Variants in HAUS7 observed in about 807,000 individuals in gnomAD.
HAUS7 encodes the protein HAUS augmin like complex subunit 7, also known as HAUS augmin-like complex subunit 7.
Under a neutral mutation model 28.4 loss-of-function variants are expected in HAUS7, and 3 were observed. The ratio of observed to expected loss-of-function variants is 0.11; its 90% CI spans 0.05 to 0.27. The LOEUF (loss-of-function observed/expected upper bound fraction) is 0.27. Ranked by LOEUF, HAUS7 falls within the 10% of genes least tolerant of loss-of-function variation. The pLI is 1.00. For missense variants in HAUS7, 284 were observed against 297.3 expected (o/e 0.96, Z 0.33); for synonymous variants, 165 against 132.1 (o/e 1.25, Z -1.71).
chrX:153,461,068 C>T (rs1556983274), intron 4 of HAUS7, among the ~76,000 whole-genome samples: 1 of 111,817 alleles, frequency 8.9e-6, no homozygotes, highest in African/African-American at 3.3e-5. Context: ...AAGAGCCATG[C>T]AAAGGCTGCA....
At chrX:153,464,736 C>T (rs2089435182) in intron 3 of HAUS7, among the ~76,000 whole-genome samples, 1 of 112,320 alleles carries the variant, frequency 8.9e-6, no homozygotes, top group South Asian at 3.7e-4. Context: ...CACAGGGAGA[C>T]GGAACCACTG....
intron 1 of HAUS7, chrX:153,481,109 G>A (rs2089596972): frequency 1.6e-6 from 1 of 625,614 alleles, no homozygotes; most frequent in Non-Finnish European, 1.9e-6. Context: ...CCCCGTTCCC[G>A]GTGTTTCCAA....
intron 4 of HAUS7, among the ~76,000 whole-genome samples, chrX:153,460,641 G>A (rs1045431485): frequency 1.8e-5 from 2 of 111,245 alleles, no homozygotes; most frequent in South Asian, 3.8e-4. Flanking sequence ...CAGATTTTAC[G>A]TAAAGTGCAC....
intron 9 of HAUS7, among the ~76,000 whole-genome samples, chrX:153,450,833 C>T (rs1333293761): frequency 8.9e-6 from 1 of 112,437 alleles, no homozygotes; most frequent in Admixed American, 9.4e-5. Flanking sequence ...CACAGAAACA[C>T]GGCCTTCCAC....
At chrX:153,473,802 C>T (rs1320731884), upstream of HAUS7, among the ~76,000 whole-genome samples, 2 of 111,628 alleles carry the variant, frequency 1.8e-5, no homozygotes, top group Non-Finnish European at 3.8e-5. Context: ...CCGTCCTGTC[C>T]TCCTCTCCCT....
In HAUS7 at chrX:153,470,392, C is replaced by T. The variant is rs1602944136; in HGVS notation, c.108+58G>A. The T allele has an allele frequency of 4.3e-6, 5 of 1,158,216 alleles. No individual in the cohort carries two copies. In the East Asian group the frequency reaches 1.5e-4, roughly 36 times the overall value. Reference sequence around the variant, plus strand: ...ACTTCCGCAGCAAGCCCTCCCGGGCCTCGGGCGGGGCCCTCCCCGGTCCCC... The same window carrying T: ...ACTTCCGCAGCAAGCCCTCCCGGGCTTCGGGCGGGGCCCTCCCCGGTCCCC... On this transcript the variant is annotated intron_variant, in intron 1 of 9. Coordinates refer to ENST00000370211, the MANE Select transcript of HAUS7 (RefSeq NM_001385482.1).
intron 9 of HAUS7, 131 bp downstream of exon 9, chrX:153,454,263 C>CAA (rs2089273279): frequency 2.2e-6 from 1 of 446,672 alleles, no homozygotes; most frequent in East Asian, 3.9e-5. Context: ...TGAAGGAAAA[C>CAA]ATGCATTAGA....
chrX:153,479,304 G>A (rs1198988817), intron 1 of HAUS7: 4 of 749,331 alleles, frequency 5.3e-6, no homozygotes, highest in African/African-American at 2.3e-5. Context: ...TGTGGGCGGG[G>A]AGCTGCTCAG....
chrX:153,490,077 C>T (rs1364267672), intron 1 of HAUS7, among the ~76,000 whole-genome samples: 4 of 112,779 alleles, frequency 3.5e-5, no homozygotes, highest in African/African-American at 1.3e-4. Context: ...CCTTCCCACT[C>T]CCACCAGAGC....
chrX:153,454,351 G>A (rs200356507), intron 9 of HAUS7, 43 bp downstream of exon 9: 136 of 751,588 alleles, frequency 1.8e-4, no homozygotes, highest in Middle Eastern at 3.0e-4. Context: ...AAGCCTGTGC[G>A]TGGGGCAGCC....
At chrX:153,481,408 C>T (rs1007166216) in intron 1 of HAUS7, 17 of 753,450 alleles carry the variant, frequency 2.3e-5, no homozygotes, top group African/African-American at 4.6e-5. Flanking sequence ...ACAGAAGGAC[C>T]GCAGCCGAGG....
rs1349007678 is a variant in HAUS7 at position 153,480,788 on chromosome X, C to A, written c.-588-9643G>T. 1.1e-5 allele frequency: 8 copies of A among 753,811 alleles called. No individual in the cohort carries two copies. The African/African-American group carries it at 1.6e-4, about 15-fold the overall frequency. 62.1% of individuals were successfully genotyped at this position (753,811 alleles called of 1,213,427 possible). A position where few individuals can be genotyped will look rare whatever the true frequency, so the allele number is the denominator to read the frequency against. ...TGACCTTGGAGCAGGAGCAGGGTCA[C>A]AACAAGGGCCTGGTCGCTGAGTGGG... On this transcript the variant is annotated intron_variant, in intron 1 of 5. Transcript: ENST00000370210.
chrX:153,474,702 G>GCA (rs2089550395), upstream of HAUS7, among the ~76,000 whole-genome samples: 1 of 93,208 alleles, frequency 1.1e-5, no homozygotes, highest in Admixed American at 1.0e-4. Flanking sequence ...CGCAACGGGA[G>GCA]AGGCGGGGGC....
intron 2 of HAUS7, 128 bp from the exon 3 acceptor site, chrX:153,465,183 T>C (rs2089440288): frequency 2.3e-6 from 1 of 426,169 alleles, no homozygotes; most frequent in African/African-American, 2.5e-5. Flanking sequence ...CACTTTAAAG[T>C]GGTTACTTCT....
chrX:153,483,518 C>G, intron 1 of HAUS7: 1 of 732,541 alleles, frequency 1.4e-6, no homozygotes, highest in Non-Finnish European at 1.6e-6. Context: ...AGAGCAGCCC[C>G]GAGAGGCAGG....
chrX:153,491,458 G>A (rs2089670688), intron 1 of HAUS7, among the ~76,000 whole-genome samples: 1 of 112,781 alleles, frequency 8.9e-6, no homozygotes, highest in Admixed American at 9.3e-5. Context: ...CAAGGAGATG[G>A]CAGCTGGCTT....
chrX:153,465,458 G>A (rs2089444721), intron 2 of HAUS7, among the ~76,000 whole-genome samples: 1 of 111,923 alleles, frequency 8.9e-6, no homozygotes, highest in Non-Finnish European at 1.9e-5. Context: ...GGCCTCGCCT[G>A]GGTCGGCATC....
Position 153,470,541 on chromosome X carries a change from G to C in HAUS7, c.17C>G (p.Ala6Gly), listed in dbSNP as rs781933687. 5.9e-6 allele frequency: 7 copies of C among 1,192,507 alleles called. No individual in the cohort carries two copies. In the South Asian group the frequency reaches 1.1e-4, roughly 19 times the overall value. The change falls in exon 1 of 10, where the codon GCT becomes GGT. Residue 6 changes from alanine to glycine, a missense_variant. Coordinates refer to ENST00000370211, the MANE Select transcript of HAUS7 (RefSeq NM_001385482.1). ...GTCGTCGCCGCCACGGCCGCAGCCA[G>C]CGTCCTGCCCCGCCATGTTTCGCGC... Reference protein sequence around the residue: MAGQDAGCGRGGDDYS... With the variant: MAGQDGGCGRGGDDYS...
At chrX:153,456,926 G>T in intron 5 of HAUS7, 1 of 438,658 alleles carries the variant, frequency 2.3e-6, no homozygotes, top group Non-Finnish European at 4.0e-6. Flanking sequence ...ACTCACCCCC[G>T]GGGCCTTGGG....
Sources: gnomAD v4.1 joint callset for allele counts (sites outside exome capture counted in the v4.1 genomes callset) on GRCh38, gnomAD v4.1.1 for gene constraint, MANE v1.5 for transcripts, NCBI Gene and HGNC (gene_info 2026-07-23, HGNC 2026-07-21) for gene names.